The following HHATL variants were observed in gnomAD, a reference collection of about 807,000 sequenced individuals.
HHATL encodes hedgehog acyltransferase like.
A neutral mutation model predicts 59.7 loss-of-function variants in HHATL; 49 were observed. The observed-to-expected ratio is 0.82, with a 90% CI of 0.65 to 1.04. The LOEUF (loss-of-function observed/expected upper bound fraction) is 1.04. Among genes scored for constraint, HHATL ranks in the 50% least tolerant of loss-of-function variants. The pLI is 0.00. For missense variants in HHATL, 605 were observed against 650.8 expected, an observed-to-expected ratio of 0.93 and a Z score of 0.77; for synonymous variants, 238 against 257.3, an observed-to-expected ratio of 0.93 and a Z score of 0.72.
Position 42,697,510 on chromosome 3 carries a change from A to C in HHATL, c.863T>G (p.Leu288Arg), listed in dbSNP as rs990445898. ...KFANRLPDSA[L>R]AGLAYSNLVY... ...CCATTTCTCTTCTGTGGACCCACCG[A>C]GGGCACTGTCTGGGAGGCGGTTGGC... The change falls in exon 7 of 12, where the codon CTC becomes CGC. Residue 288 changes from leucine to arginine, a missense_variant and splice_region_variant. By Grantham distance (102) the Leu-to-Arg change is moderately radical. Coordinates refer to ENST00000441594, the MANE Select transcript of HHATL (RefSeq NM_020707.4). The C allele has an allele frequency of 6.2e-7, 1 of 1,613,538 alleles. No homozygotes were observed. Among genetic ancestry groups the C allele is most frequent in the Non-Finnish European group, 8.5e-7 (1 of 1,179,668 alleles).
chr3:42,697,383 C>T (rs1215433383), intron 7 of HHATL, 125 bp downstream of exon 7: 2 of 1,175,804 alleles, frequency 1.7e-6, no homozygotes, highest in East Asian at 2.4e-5. Flanking sequence ...TAAGCCCCTG[C>T]TCCCACGCCC....
chr3:42,694,693 GT>G (rs1206451463), intron 9 of HHATL, among the ~76,000 whole-genome samples: 1 of 152,118 alleles, frequency 6.6e-6, no homozygotes. Context: ...CACACAGTTG[GT>G]TTGTGTCTCA....
intron 6 of HHATL, 136 bp from the exon 7 acceptor site, chr3:42,697,815 G>A (rs1198562717): frequency 7.6e-6 from 7 of 921,170 alleles, no homozygotes; most frequent in South Asian, 1.7e-5. Context: ...TGGAGACAGA[G>A]GTCACCCTGG....
Position 42,698,781 on chromosome 3 carries a change from T to C in HHATL, c.410A>G (p.Gln137Arg), listed in dbSNP as rs756042074. The C allele has an allele frequency of 1.9e-5, 30 of 1,612,578 alleles. No individual in the cohort carries two copies. The highest frequency in any genetic ancestry group is 2.3e-5 in the Non-Finnish European group (27 of 1,179,552). ...GCCAAGGCCAAGACAGAGCCAGGGC[T>C]GGCCCAAAAGCGAGGCCACATAGAG... ...VGLYVASLLGQPWLCLGLGLA... is the reference protein window; with the variant it reads ...VGLYVASLLGRPWLCLGLGLA... Residue 137 changes from glutamine to arginine, a missense_variant, in exon 5 of 12, where the codon CAG (glutamine) becomes CGG (arginine). Transcript: ENST00000441594.
chr3:42,693,824 G>C lies in HHATL; in HGVS notation c.1047-6C>G. On this transcript the variant is annotated splice_region_variant and splice_polypyrimidine_tract_variant and intron_variant, in intron 9 of 11. Coordinates refer to ENST00000441594, the MANE Select transcript of HHATL (RefSeq NM_020707.4). ...CAATGTGGTTATACACATATCTGCA[G>C]GAAAGATGGGAGAAGGGCCACTGGG... 1 of 1,611,290 alleles carries C rather than the reference G, an allele frequency of 6.2e-7. No homozygotes were observed. The highest frequency in any genetic ancestry group is 8.5e-7 in the Non-Finnish European group (1 of 1,178,340).
In HHATL at chr3:42,701,990, T is replaced by G. The variant is rs1044768094; in HGVS notation, c.-14+589A>C. On this transcript the variant is annotated intron_variant, in intron 1 of 11. Coordinates refer to ENST00000441594, the MANE Select transcript of HHATL (RefSeq NM_020707.4). The surrounding 1 kb of genome is among the most constrained non-coding windows in gnomAD (Gnocchi z 5.1). ...TCTCCTCGTACAGATGGAGGGGTCATGGGCCAGATAGGGGCAGGGACCTGT... is the reference window on the plus strand; with the variant it reads ...TCTCCTCGTACAGATGGAGGGGTCAGGGGCCAGATAGGGGCAGGGACCTGT... Among the ~76,000 whole-genome samples the G allele has an allele frequency of 6.6e-6, 1 of 152,190 alleles. No individual in the cohort carries two copies.
intron 7 of HHATL, 31 bp from the exon 8 acceptor site, chr3:42,697,176 T>A: frequency 6.6e-7 from 1 of 1,507,322 alleles, no homozygotes; most frequent in Non-Finnish European, 8.9e-7. Flanking sequence ...CTGCCTGGGG[T>A]CCAATCGCCT....
Position 42,693,638 on chromosome 3 carries a change from C to T in HHATL, c.1227G>A (p.Trp409Ter). The change falls in exon 10 of 12, where the codon TGG becomes TGA. Residue 409 changes from tryptophan (W) to a stop codon, truncating the protein, a stop_gained. Coordinates refer to ENST00000441594, the MANE Select transcript of HHATL (RefSeq NM_020707.4). LOFTEE classifies it high-confidence loss of function. ...FELWMQKLAE[W>*]GPLARIEASL... ...TCACCTCAATTCGTGCTAGGGGCCC[C>T]CACTCTGCCAGTTTTTGCATCCAGA... 6.2e-7 allele frequency: 1 copy of T among 1,614,084 alleles called. No individual in the cohort carries two copies. Among genetic ancestry groups the T allele is most frequent in the Non-Finnish European group, 8.5e-7 (1 of 1,179,990 alleles).
chr3:42,696,036 ACTTT>A (rs1197476661), intron 9 of HHATL, among the ~76,000 whole-genome samples: 1 of 151,828 alleles, frequency 6.6e-6, no homozygotes, highest in Non-Finnish European at 1.5e-5. Context: ...TCCTCAGTTG[ACTTT>A]CCCTCCTTAC....
chr3:42,697,748 C>A, intron 6 of HHATL, 69 bp from the exon 7 acceptor site: 1 of 1,506,400 alleles, frequency 6.6e-7, no homozygotes, highest in South Asian at 1.2e-5. Flanking sequence ...GAGGGGGGCT[C>A]ACCAACTACT....
In HHATL at chr3:42,697,018, G is replaced by C. The variant is rs756061862; in HGVS notation, c.993C>G (p.Leu331=). ...GCACTCACGTTTCCGCAAAGACGTA[G>C]AGTGCGGTGATGCACTTGGGAGGCT... ...PPQPPKCITA[L]YVFAETHFDR... Residue 331 remains leucine, a synonymous_variant, in exon 8 of 12, where the codon CTC becomes CTG. Transcript: ENST00000441594. 1 of 1,604,210 alleles carries C rather than the reference G, an allele frequency of 6.2e-7. No individual in the cohort carries two copies. The highest frequency in any genetic ancestry group is 2.2e-5 in the East Asian group (1 of 44,728).
chr3:42,698,171 T>C lies in HHATL; in HGVS notation c.664A>G (p.Ile222Val). The change falls in exon 6 of 12, where the codon ATC (isoleucine) becomes GTC (valine). Residue 222 changes from isoleucine to valine, a missense_variant. Physicochemically the swap from Ile to Val is conservative, Grantham distance 29 (BLOSUM62 3). Coordinates refer to ENST00000441594, the MANE Select transcript of HHATL (RefSeq NM_020707.4). The part of the protein sequence containing the change: ...FYLPFFFFGP[I>V]MTFDRFHAQV... ...GCATGGAAGCGATCAAAGGTCATGATGGGCCCGAAGAAGAAGAAGGGCAGG... is the reference window on the plus strand; with the variant it reads ...GCATGGAAGCGATCAAAGGTCATGACGGGCCCGAAGAAGAAGAAGGGCAGG... 2 of 1,614,114 alleles carry C rather than the reference T, an allele frequency of 1.2e-6. No individual in the cohort carries two copies. Among genetic ancestry groups the C allele is most frequent in the Non-Finnish European group, 1.7e-6 (2 of 1,180,008 alleles).
intron 9 of HHATL, among the ~76,000 whole-genome samples, chr3:42,695,097 A>G (rs1300108541): frequency 6.6e-6 from 1 of 151,856 alleles, no homozygotes; most frequent in Non-Finnish European, 1.5e-5. Context: ...CCATTCCTCG[A>G]CCTCCTCATT....
At chr3:42,695,401 C>G (rs546253275) in intron 9 of HHATL, among the ~76,000 whole-genome samples, 4 of 152,330 alleles carry the variant, frequency 2.6e-5, no homozygotes, top group African/African-American at 7.2e-5. Flanking sequence ...CACTTACTTT[C>G]TCCTCAGCTA....
rs1397784969 is a variant in HHATL, at chr3:42,698,302, C to T, written c.533G>A (p.Gly178Glu). 4 of 1,613,890 alleles carry T rather than the reference C, an allele frequency of 2.5e-6. No homozygotes were observed. The highest frequency in any genetic ancestry group is 2.7e-5 in the African/African-American group (2 of 75,036). Residue 178 changes from glycine (G) to glutamate (E), a missense_variant, in exon 6 of 12, where the codon GGG (glycine) becomes GAG (glutamate). Gly to Glu is a moderately conservative substitution (Grantham distance 98). Transcript: ENST00000441594. Reference sequence around the variant, plus strand: ...ACGCAGCACTGTGAAGCTGCTGCCCCCATGAAACAGCACCTCTTGAAGATC... The same window carrying T: ...ACGCAGCACTGTGAAGCTGCTGCCCTCATGAAACAGCACCTCTTGAAGATC... ...TFDLQEVLFH[G>E]GSSFTVLRCT... is the part of the protein sequence containing the mutation.
At chr3:42,692,985 G>A (rs1697417767) in intron 11 of HHATL, 92 bp downstream of exon 11, 2 of 1,586,032 alleles carry the variant, frequency 1.3e-6, no homozygotes, top group South Asian at 1.1e-5. Context: ...GAGTCCCAGG[G>A]GTGATGAGGG....
In HHATL at chr3:42,693,055, TCC is replaced by T. The variant is rs753069063; in HGVS notation, c.1390+20_1390+21del. The T allele has an allele frequency of 1.9e-6, 3 of 1,613,300 alleles. No homozygotes were observed. The highest frequency in any genetic ancestry group is 2.5e-6 in the Non-Finnish European group (3 of 1,179,562). On this transcript the variant is annotated intron_variant, in intron 11 of 11. Transcript: ENST00000441594. ...AGGCTGATGCCTGGCACCTTCTGTA[TCC>T]CCACACCCCTGTCCCTCACCTGTGA...
Position 42,701,398 on chromosome 3 carries a change from C to A in HHATL, c.-13-559G>T, listed in dbSNP as rs116414065. The stretch of plus-strand genomic sequence containing the variant: ...AGCCTCCATCCTCGCATTAAGCCTC[C>A]AGCCTGTCACTGACCCCCATTCCCC... On this transcript the variant is annotated intron_variant, in intron 1 of 11. Coordinates refer to ENST00000441594, the MANE Select transcript of HHATL (RefSeq NM_020707.4). The surrounding 1 kb of genome is among the most constrained non-coding windows in gnomAD (Gnocchi z 5.1). 2,054 of 154,474 alleles carry A rather than the reference C, an allele frequency of 0.013. 48 individuals carry two copies. The highest frequency in any genetic ancestry group is 0.046 in the African/African-American group (1,895 of 41,590). The allele number at this position is 154,474 out of a possible 1,614,324, so 9.6% of individuals were successfully genotyped here.
rs115114391 is a variant in HHATL at position 42,700,874 on chromosome 3, T to G, written c.-13-35A>C. 9.7e-4 allele frequency: 1,418 copies of G among 1,466,496 alleles called. 18 individuals are homozygous for G. The African/African-American group carries it at 0.017, about 17-fold the overall frequency. 90.8% of individuals were successfully genotyped at this position (1,466,496 alleles called of 1,614,324 possible). On this transcript the variant is annotated intron_variant, in intron 1 of 11. Transcript: ENST00000441594. ...CAGGTTGGGTGAGGGAATTACAGTC[T>G]CCAGCCAAGCCTAGCCCCACCTCAT... is the stretch of plus-strand genomic sequence containing the variant.
Sources: allele counts gnomAD v4.1 joint callset (sites outside exome capture counted in the v4.1 genomes callset), GRCh38; gene constraint gnomAD v4.1.1; non-coding constraint Gnocchi (gnomAD v3.1); transcripts MANE v1.5; gene names NCBI Gene and HGNC (gene_info 2026-07-23, HGNC 2026-07-21).